The following PRLR variants were observed in gnomAD, a reference collection of about 807,000 sequenced individuals.
PRLR encodes the protein prolactin receptor.
In PRLR, 13 loss-of-function variants were observed where a neutral mutation model predicts 40.2. That is an observed-to-expected ratio of 0.32 (90% CI 0.21 to 0.51). The LOEUF is 0.51. Ranked by LOEUF, PRLR falls within the 20% of genes least tolerant of loss-of-function variation. The probability of loss-of-function intolerance (pLI) is 0.97; values close to 1 mark genes in which losing one functional copy is unlikely to be tolerated. For synonymous variants in PRLR, 269 were observed against 278.7 expected, an observed-to-expected ratio of 0.97 and a Z score of 0.35; for missense variants, 656 against 747.3, an observed-to-expected ratio of 0.88 and a Z score of 1.42.
At chr5:35,067,610 CA>C (rs1424025883) in intron 9 of PRLR, among the ~76,000 whole-genome samples, 1 of 152,156 alleles carries the variant, frequency 6.6e-6, no homozygotes, top group Non-Finnish European at 1.5e-5. Flanking sequence ...GCTTAAAAGC[CA>C]AACTGAAACT....
chr5:35,096,598 T>C (rs1041991125), intron 2 of PRLR, among the ~76,000 whole-genome samples: 1 of 151,778 alleles, frequency 6.6e-6, no homozygotes, highest in African/African-American at 2.4e-5. Flanking sequence ...GTCCAAGGAG[T>C]GTCTTAAAAT....
intron 1 of PRLR, among the ~76,000 whole-genome samples, chr5:35,161,308 T>C (rs1306943082): frequency 1.3e-5 from 2 of 152,220 alleles, no homozygotes; most frequent in African/African-American, 2.4e-5. Flanking sequence ...ATTTTAGAGC[T>C]GGTAATAACT....
chr5:35,118,201 A>C, intron 1 of PRLR, 79 bp from the exon 2 acceptor site: 3 of 719,974 alleles, frequency 4.2e-6, no homozygotes, highest in Non-Finnish European at 5.1e-6. Flanking sequence ...TGCAGTACGT[A>C]GCATGGCTGA....
chr5:35,148,401 A>G (rs974484071), intron 1 of PRLR, among the ~76,000 whole-genome samples: 2 of 152,104 alleles, frequency 1.3e-5, no homozygotes, highest in South Asian at 2.1e-4. Flanking sequence ...CTCCTAAGGA[A>G]AAAAAGGCTT....
At chr5:35,073,676 A>G (rs1453758181) in intron 5 of PRLR, among the ~76,000 whole-genome samples, 2 of 152,218 alleles carry the variant, frequency 1.3e-5, no homozygotes, top group Non-Finnish European at 2.9e-5. Flanking sequence ...TGGTTGTAAG[A>G]CATTGCGTTT....
At chr5:35,179,216 C>T (rs1202758628) in intron 1 of PRLR, among the ~76,000 whole-genome samples, 3 of 152,200 alleles carry the variant, frequency 2.0e-5, no homozygotes, top group Non-Finnish European at 4.4e-5. Flanking sequence ...CCCACAGTGT[C>T]TAGCACATAG....
In PRLR at chr5:35,202,606, C is replaced by A. The variant is rs149305661; in HGVS notation, c.-106+27662G>T. Among the ~76,000 whole-genome samples the A allele has an allele frequency of 9.7e-4, 148 of 152,218 alleles. 1 individual carries two copies. Among genetic ancestry groups the A allele is most frequent in the African/African-American group, 3.2e-3 (133 of 41,540 alleles). ...GCTTAGGGAGACCAGAGAATACTCA[C>A]CTTTTCATATTGGTGCCTGGTATAC... is the stretch of plus-strand genomic sequence containing the variant. On this transcript the variant is annotated intron_variant, in intron 1 of 9. Coordinates refer to ENST00000618457, the MANE Select transcript of PRLR (RefSeq NM_000949.7).
At chr5:35,185,573 C>T (rs777825048) in intron 1 of PRLR, among the ~76,000 whole-genome samples, 18 of 152,244 alleles carry the variant, frequency 1.2e-4, no homozygotes, top group South Asian at 4.2e-4. Context: ...CCCATGGCAA[C>T]GTACTTCTAA....
chr5:35,168,181 C>G (rs1774896700), intron 1 of PRLR, among the ~76,000 whole-genome samples: 1 of 151,968 alleles, frequency 6.6e-6, no homozygotes, highest in Admixed American at 6.6e-5. Context: ...CTACATTCAT[C>G]TAATTACATA....
chr5:35,092,340 G>T (rs1771264696), intron 2 of PRLR, among the ~76,000 whole-genome samples: 1 of 152,242 alleles, frequency 6.6e-6, no homozygotes, highest in South Asian at 2.1e-4. Flanking sequence ...AACTCATCCT[G>T]CATTTTCTTC....
At chr5:35,078,103 G>T (rs1177102437) in intron 5 of PRLR, among the ~76,000 whole-genome samples, 2 of 152,202 alleles carry the variant, frequency 1.3e-5, no homozygotes, top group East Asian at 3.9e-4. Context: ...GAGAAAGCAG[G>T]GAAGATCTAA....
chr5:35,052,346 T>C (rs1308720607), downstream of PRLR, among the ~76,000 whole-genome samples: 1 of 152,202 alleles, frequency 6.6e-6, no homozygotes, highest in African/African-American at 2.4e-5. Context: ...AGAAAAGCCA[T>C]GTGAACATAT....
intron 1 of PRLR, among the ~76,000 whole-genome samples, chr5:35,133,324 A>G (rs991379310): frequency 6.6e-6 from 1 of 152,072 alleles, no homozygotes; most frequent in African/African-American, 2.4e-5. Flanking sequence ...TCTCATGTAT[A>G]CCTATATATA....
intron 2 of PRLR, among the ~76,000 whole-genome samples, chr5:35,109,980 G>A (rs1772547526): frequency 1.3e-5 from 2 of 152,280 alleles, no homozygotes; most frequent in South Asian, 4.1e-4. Flanking sequence ...ATGTCCATCA[G>A]TGATAGACTG....
At chr5:35,121,074 A>G (rs941507122) in intron 1 of PRLR, among the ~76,000 whole-genome samples, 1 of 152,208 alleles carries the variant, frequency 6.6e-6, no homozygotes, top group Non-Finnish European at 1.5e-5. Flanking sequence ...GGTGCCCAGA[A>G]GGCAGAAGTT....
intron 1 of PRLR, among the ~76,000 whole-genome samples, chr5:35,216,977 G>A (rs57380417): frequency 0.011 from 1,734 of 152,284 alleles, 38 homozygotes; most frequent in African/African-American, 0.04. Context: ...AATGTCATGA[G>A]TGTAGTAAGT....
chr5:35,090,814 TTTTTTTTTTTTTTTG>T (rs1771157493), intron 2 of PRLR, among the ~76,000 whole-genome samples: 2 of 111,632 alleles, frequency 1.8e-5, no homozygotes, highest in South Asian at 3.2e-4. Flanking sequence ...TTTTTTTTTT[TTTTTTTTTTTTTTTG>T]AGACAGAGTC....
chr5:35,192,371 C>T (rs1775631369), intron 1 of PRLR, among the ~76,000 whole-genome samples: 1 of 152,172 alleles, frequency 6.6e-6, no homozygotes, highest in South Asian at 2.1e-4. Flanking sequence ...TCCTCTCTCC[C>T]CCACCTCTTA....
intron 5 of PRLR, chr5:35,081,227 A>G (rs1227361761): frequency 6.4e-6 from 1 of 155,330 alleles, no homozygotes; most frequent in Admixed American, 6.5e-5. Context: ...AAAAGGACTC[A>G]TGTTCACAGT....
Sources: gnomAD v4.1 joint callset for allele counts (sites outside exome capture counted in the v4.1 genomes callset) on GRCh38, gnomAD v4.1.1 for gene constraint, MANE v1.5 for transcripts, NCBI Gene and HGNC (gene_info 2026-07-23, HGNC 2026-07-21) for gene names.